The following DPH3 variants were observed in gnomAD, a reference collection of about 807,000 sequenced individuals.
The protein encoded by DPH3 is diphthamide biosynthesis protein 3.
Under a neutral mutation model 10.2 loss-of-function variants are expected in DPH3, and 8 were observed. The ratio of observed to expected loss-of-function variants is 0.79; its 90% confidence interval spans 0.46 to 1.42. The LOEUF (loss-of-function observed/expected upper bound fraction) is 1.42, where lower values mean the gene tolerates loss of function less well. DPH3 is among the 40% of genes most tolerant of loss of function. The pLI, the probability that DPH3 is intolerant of heterozygous loss-of-function variation, is 0.00. For missense variants in DPH3, 96 were observed against 98.9 expected, an observed-to-expected ratio of 0.97 and a Z score of 0.12; for synonymous variants, 35 against 35.6, an observed-to-expected ratio of 0.98 and a Z score of 0.06.
rs547572369 is a variant in DPH3 at position 16,263,428 on chromosome 3, G to A, written c.183+727C>T. Among the ~76,000 whole-genome samples, 3 of 152,158 alleles carry A rather than the reference G, an allele frequency of 2.0e-5. No individual in the cohort carries two copies. Among genetic ancestry groups the A allele is most frequent in the South Asian group, 2.1e-4 (1 of 4,820 alleles). On this transcript the variant is annotated intron_variant, in intron 2 of 2. Coordinates refer to ENST00000488423, the MANE Select transcript of DPH3 (RefSeq NM_206831.3). This position sits in a 1 kb window ranked among gnomAD's most constrained non-coding sequence, Gnocchi z 4.0. Reference sequence around the variant, plus strand: ...ACCAGCACTCCTGATCTTCCTTACCGTTTGCTTTCTGTTGCAGAGCACATT... The same window carrying A: ...ACCAGCACTCCTGATCTTCCTTACCATTTGCTTTCTGTTGCAGAGCACATT...
rs1014310504 is a variant in DPH3 at position 16,257,438 on chromosome 3, C to A, written c.*3326G>T. ...TCCACTAAGTTTCCAAATGTAGAAA[C>A]CGAATCTTCTTCCCCTAGTGCCTAG... is the stretch of plus-strand genomic sequence containing the variant. On this transcript the variant is annotated 3_prime_UTR_variant, in exon 3 of 3. Transcript: ENST00000488423. Among the ~76,000 whole-genome samples, 5 of 152,228 alleles carry A rather than the reference C, an allele frequency of 3.3e-5. No individual in the cohort carries two copies. The highest frequency in any genetic ancestry group is 7.3e-5 in the Non-Finnish European group (5 of 68,040).
intron 2 of DPH3, 24 bp from the exon 3 acceptor site, chr3:16,260,853 T>A (rs760445156): frequency 2.5e-6 from 4 of 1,606,524 alleles, no homozygotes; most frequent in Non-Finnish European, 3.4e-6. Context: ...AGAAATGACA[T>A]TAACCAATGA....
rs868330011 is a variant in DPH3, at chr3:16,258,958, G to A, written c.*1806C>T. 2 of 152,070 alleles carry A rather than the reference G, an allele frequency of 1.3e-5. No homozygotes were observed. Among genetic ancestry groups the A allele is most frequent in the African/African-American group, 4.8e-5 (2 of 41,390 alleles). 9.4% of individuals were successfully genotyped at this position (152,070 alleles called of 1,614,324 possible). The stretch of plus-strand genomic sequence containing the variant: ...TGCTTTTTATGCTTCTTTTTTCCTG[G>A]GATGTGTGAACCTGGCAACTTTTCT... On this transcript the variant is annotated 3_prime_UTR_variant, in exon 3 of 3. Coordinates refer to ENST00000488423, the MANE Select transcript of DPH3 (RefSeq NM_206831.3).
chr3:16,260,493 G>C lies in DPH3; in HGVS notation c.*271C>G. 2.7e-6 allele frequency: 1 copy of C among 372,878 alleles called. No individual in the cohort carries two copies. Among genetic ancestry groups the C allele is most frequent in the Non-Finnish European group, 4.9e-6 (1 of 204,056 alleles). 23.1% of individuals were successfully genotyped at this position (372,878 alleles called of 1,614,324 possible). On this transcript the variant is annotated 3_prime_UTR_variant, in exon 3 of 3. Coordinates refer to ENST00000488423, the MANE Select transcript of DPH3 (RefSeq NM_206831.3). The stretch of plus-strand genomic sequence containing the variant: ...AGATATGAAAATGATGAAACCAAGG[G>C]AAAGAAAGCACTGTTTTGAAATTAT...
Position 16,260,150 on chromosome 3 carries a change from T to C in DPH3, c.*614A>G, listed in dbSNP as rs1323816428. On this transcript the variant is annotated 3_prime_UTR_variant, in exon 3 of 3. Coordinates refer to ENST00000488423, the MANE Select transcript of DPH3 (RefSeq NM_206831.3). ...CTAACTTTTAGCTCTGGAGACATTG[T>C]GACCTCACTGTATTTTCTCTTTAAT... The C allele has an allele frequency of 6.6e-6, 1 of 152,258 alleles. No homozygotes were observed. Among genetic ancestry groups the C allele is most frequent in the Non-Finnish European group, 1.5e-5 (1 of 68,048 alleles). The allele number at this position is 152,258 out of a possible 1,614,324, so 9.4% of individuals were successfully genotyped here.
In DPH3 at chr3:16,261,319, G is replaced by C. The variant is rs2064291750; in HGVS notation, c.184-490C>G. On this transcript the variant is annotated intron_variant, in intron 2 of 2. Transcript: ENST00000488423. This position sits in a 1 kb window ranked among gnomAD's most constrained non-coding sequence, Gnocchi z 7.1. ...AGTTCAATCTCTGGTCTTTTATCCT[G>C]GCTTATGTCAGCTACCACCAAAAAT... is the stretch of plus-strand genomic sequence containing the variant. Among the ~76,000 whole-genome samples, 1 of 152,104 alleles carries C rather than the reference G, an allele frequency of 6.6e-6. No homozygotes were observed. Among genetic ancestry groups the C allele is most frequent in the Non-Finnish European group, 1.5e-5 (1 of 68,010 alleles).
chr3:16,264,306 A>G (rs1364196255), intron 1 of DPH3, 77 bp from the exon 2 acceptor site: 4 of 1,192,676 alleles, frequency 3.4e-6, no homozygotes, highest in Non-Finnish European at 4.7e-6. Flanking sequence ...TCCCACCCCT[A>G]GATGCAAGTC....
Position 16,263,491 on chromosome 3 carries a change from G to C in DPH3, c.183+664C>G, listed in dbSNP as rs1269232234. Among the ~76,000 whole-genome samples the C allele has an allele frequency of 6.6e-6, 1 of 152,154 alleles. No homozygotes were observed. Among genetic ancestry groups the C allele is most frequent in the Non-Finnish European group, 1.5e-5 (1 of 68,034 alleles). On this transcript the variant is annotated intron_variant, in intron 2 of 2. Coordinates refer to ENST00000488423, the MANE Select transcript of DPH3 (RefSeq NM_206831.3). The surrounding 1 kb of genome is among the most constrained non-coding windows in gnomAD (Gnocchi z 4.0). ...TGAATCATTATATTTCTAAATTATA[G>C]TCTAAATTATAGCCCGCTTCTCTCA...
chr3:16,264,913 A>T lies in DPH3; in HGVS notation c.-37T>A, dbSNP rs201620103. On this transcript the variant is annotated 5_prime_UTR_variant, in exon 1 of 3. Transcript: ENST00000488423. ...GTGGCCGAAGGGGTAACGCCCCAGC[A>T]GTCCGAGGCCAGCTCCGAGGGTTTA... 9.9e-6 allele frequency: 16 copies of T among 1,609,918 alleles called. No individual in the cohort carries two copies. The highest frequency in any genetic ancestry group is 8.3e-5 in the Admixed American group (5 of 59,882).
At position 16,260,792 on chromosome 3, in the gene DPH3, G is replaced by A; in HGVS notation, c.221C>T (p.Ser74Leu). ...GCATTTAACTAATTCTTTGTTGGCT[G>A]AAGGGGCTGGGACTGTTTCTCCACA... ...FVCGETVPAP[S>L]ANKELVKC The change falls in exon 3 of 3, where the codon TCA (serine) becomes TTA (leucine). Residue 74 changes from serine to leucine, a missense_variant. Physicochemically the swap from Ser to Leu is moderately radical, Grantham distance 145. Transcript: ENST00000488423. The A allele has an allele frequency of 3.1e-6, 5 of 1,613,876 alleles. No individual in the cohort carries two copies. Among genetic ancestry groups the A allele is most frequent in the Non-Finnish European group, 4.2e-6 (5 of 1,179,834 alleles).
Position 16,263,460 on chromosome 3 carries a change from C to T in DPH3, c.183+695G>A, listed in dbSNP as rs189907268. Among the ~76,000 whole-genome samples the T allele has an allele frequency of 7.2e-3, 1,096 of 152,294 alleles. 7 individuals carry two copies. The highest frequency in any genetic ancestry group is 0.041 in the Middle Eastern group (12 of 294). On this transcript the variant is annotated intron_variant, in intron 2 of 2. Coordinates refer to ENST00000488423, the MANE Select transcript of DPH3 (RefSeq NM_206831.3). The surrounding 1 kb of genome is among the most constrained non-coding windows in gnomAD (Gnocchi z 4.0). ...TTCTGTTGCAGAGCACATTTTAATA[C>T]AAGAATGAATCATTATATTTCTAAA...
rs1346512362 is a variant in DPH3, at chr3:16,263,473, T to C, written c.183+682A>G. On this transcript the variant is annotated intron_variant, in intron 2 of 2. Transcript: ENST00000488423. The surrounding 1 kb of genome is among the most constrained non-coding windows in gnomAD (Gnocchi z 4.0). ...CACATTTTAATACAAGAATGAATCA[T>C]TATATTTCTAAATTATAGTCTAAAT... 2.0e-5 allele frequency among the ~76,000 whole-genome samples: 3 copies of C among 152,226 alleles called. No individual in the cohort carries two copies. The highest frequency in any genetic ancestry group is 2.9e-5 in the Non-Finnish European group (2 of 68,032).
At chr3:16,264,702 T>C in intron 1 of DPH3, 67 bp downstream of exon 1, 1 of 1,484,074 alleles carries the variant, frequency 6.7e-7, no homozygotes, top group Non-Finnish European at 9.3e-7. Flanking sequence ...TACCCAATGA[T>C]GGAAGGAACG....
chr3:16,264,173 TATA>T lies in DPH3; in HGVS notation c.162_164del (p.Ile55del). 6.2e-7 allele frequency: 1 copy of T among 1,611,058 alleles called. No homozygotes were observed. Among genetic ancestry groups the T allele is most frequent in the Non-Finnish European group, 8.5e-7 (1 of 1,177,996 alleles). ...CCCTTACTTTGTCATAAATCACTTT[TATA>T]ATGAGAGAGCAGCTAGGACACGTTG... is the stretch of plus-strand genomic sequence containing the variant. On this transcript the variant is annotated inframe_deletion, in exon 2 of 3. Transcript: ENST00000488423.
Position 16,259,743 on chromosome 3 carries a change from C to A in DPH3, c.*1021G>T, listed in dbSNP as rs1051425967. ...ATGCTCTCATGGGCATATTTATTCA[C>A]AATAGGTCTCTCATTTTCAAGCTCA... On this transcript the variant is annotated 3_prime_UTR_variant, in exon 3 of 3. Transcript: ENST00000488423. 3 of 152,166 alleles carry A rather than the reference C, an allele frequency of 2.0e-5. No individual in the cohort carries two copies. Among genetic ancestry groups the A allele is most frequent in the African/African-American group, 7.2e-5 (3 of 41,432 alleles). The allele number at this position is 152,166 out of a possible 1,614,324, so 9.4% of individuals were successfully genotyped here. A position where few individuals can be genotyped will look rare whatever the true frequency, so the allele number is the denominator to read the frequency against.
At position 16,258,591 on chromosome 3, in the gene DPH3, A is replaced by G. The variant is rs1259550835; in HGVS notation, c.*2173T>C. ...AGCCTCAAACTCCTGGGCCCAAGCA[A>G]TTTGCTCAAGGCCCCACACCTTGCT... is the stretch of plus-strand genomic sequence containing the variant. On this transcript the variant is annotated 3_prime_UTR_variant, in exon 3 of 3. Coordinates refer to ENST00000488423, the MANE Select transcript of DPH3 (RefSeq NM_206831.3). The G allele has an allele frequency of 6.6e-6, 1 of 152,100 alleles. No homozygotes were observed. Among genetic ancestry groups the G allele is most frequent in the Non-Finnish European group, 1.5e-5 (1 of 68,030 alleles). The allele number at this position is 152,100 out of a possible 1,614,324, so 9.4% of individuals were successfully genotyped here.
chr3:16,263,703 G>A lies in DPH3; in HGVS notation c.183+452C>T, dbSNP rs111514785. Among the ~76,000 whole-genome samples the A allele has an allele frequency of 0.029, 4,419 of 152,110 alleles. 100 individuals carry two copies. The highest frequency in any genetic ancestry group is 0.082 in the Middle Eastern group (24 of 294). ...GGTGAAAGATAATAGGGCAACTAAA[G>A]ACTAAAATGAAATTGTAAAGCTGCA... On this transcript the variant is annotated intron_variant, in intron 2 of 2. Coordinates refer to ENST00000488423, the MANE Select transcript of DPH3 (RefSeq NM_206831.3). This position sits in a 1 kb window ranked among gnomAD's most constrained non-coding sequence, Gnocchi z 4.0.
Position 16,261,873 on chromosome 3 carries a change from A to G in DPH3, c.184-1044T>C, listed in dbSNP as rs1397233194. Among the ~76,000 whole-genome samples the G allele has an allele frequency of 6.6e-6, 1 of 152,006 alleles. No homozygotes were observed. The highest frequency in any genetic ancestry group is 1.5e-5 in the Non-Finnish European group (1 of 67,982). On this transcript the variant is annotated intron_variant, in intron 2 of 2. Coordinates refer to ENST00000488423, the MANE Select transcript of DPH3 (RefSeq NM_206831.3). This position sits in a 1 kb window ranked among gnomAD's most constrained non-coding sequence, Gnocchi z 7.1. ...GTTTAGAATCTTATGTCTTGAGACT[A>G]CCGCCTTGCTATTCTTCTCTGTTGC...
rs2064275691 is a variant in DPH3, at chr3:16,259,189, G to A, written c.*1575C>T. 1 of 152,240 alleles carries A rather than the reference G, an allele frequency of 6.6e-6. No homozygotes were observed. Among genetic ancestry groups the A allele is most frequent in the Non-Finnish European group, 1.5e-5 (1 of 68,036 alleles). 9.4% of individuals were successfully genotyped at this position (152,240 alleles called of 1,614,324 possible). On this transcript the variant is annotated 3_prime_UTR_variant, in exon 3 of 3. Transcript: ENST00000488423. ...TCATCTGAGCAGTCACTTTGCTTTT[G>A]CAAAGCAGTTGTGGATTACTTCTGG... is the stretch of plus-strand genomic sequence containing the variant.
Sources: allele counts gnomAD v4.1 joint callset (sites outside exome capture counted in the v4.1 genomes callset), GRCh38; gene constraint gnomAD v4.1.1; non-coding constraint Gnocchi (gnomAD v3.1); transcripts MANE v1.5; gene names NCBI Gene and HGNC (gene_info 2026-07-23, HGNC 2026-07-21).